SLC37A3: variants seen among roughly 807,000 people sequenced by gnomAD.
SLC37A3 encodes the protein solute carrier family 37 member 3, also known as sugar phosphate exchanger 3.
Under a neutral mutation model 67.1 loss-of-function variants are expected in SLC37A3, and 51 were observed. The observed-to-expected ratio is 0.76, with a 90% CI of 0.61 to 0.96. The LOEUF (loss-of-function observed/expected upper bound fraction) is 0.96. SLC37A3 is among the 40% of genes least tolerant of loss of function. The pLI is 0.00. For synonymous variants in SLC37A3, 214 were observed against 231.4 expected (o/e 0.92, Z 0.68); for missense variants, 508 against 603.0 (o/e 0.84, Z 1.65).
At chr7:140,355,273 G>A (rs1006950640) in intron 7 of SLC37A3, among the ~76,000 whole-genome samples, 2 of 151,614 alleles carry the variant, frequency 1.3e-5, no homozygotes, top group African/African-American at 4.9e-5. Flanking sequence ...GTGAAGCGGT[G>A]CGACCTTGGC....
intron 4 of SLC37A3, among the ~76,000 whole-genome samples, chr7:140,367,613 A>G (rs1797653340): frequency 6.6e-6 from 1 of 152,166 alleles, no homozygotes; most frequent in Admixed American, 6.5e-5. Context: ...TAAAGACAGC[A>G]TCTTATATGC....
intron 3 of SLC37A3, among the ~76,000 whole-genome samples, chr7:140,373,677 C>CTT (rs59193678): frequency 1.5e-5 from 2 of 136,142 alleles, no homozygotes; most frequent in Non-Finnish European, 1.6e-5. Flanking sequence ...CTTTTTTTTT[C>CTT]TTTTTTTTTT....
intron 3 of SLC37A3, 35 bp downstream of exon 3, chr7:140,380,247 T>C (rs780556188): frequency 3.6e-6 from 5 of 1,379,452 alleles, no homozygotes; most frequent in South Asian, 1.2e-5. Context: ...CACGGTCTCC[T>C]ACTTCGATCC....
At chr7:140,337,119 AGAAG>A (rs796743244) in intron 14 of SLC37A3, among the ~76,000 whole-genome samples, 161 bp downstream of exon 14, 13 of 128,718 alleles carry the variant, frequency 1.0e-4, no homozygotes, top group South Asian at 2.3e-4. Flanking sequence ...AAAAAAAAAA[AGAAG>A]AAGAAGAAGA....
chr7:140,374,792 A>C (rs916699020), intron 3 of SLC37A3, among the ~76,000 whole-genome samples: 1 of 152,108 alleles, frequency 6.6e-6, no homozygotes, highest in Non-Finnish European at 1.5e-5. Context: ...CAGGACTTCA[A>C]GGCTGCAGTG....
intron 7 of SLC37A3, among the ~76,000 whole-genome samples, chr7:140,353,344 G>A (rs562548058): frequency 2.0e-5 from 3 of 151,950 alleles, no homozygotes; most frequent in African/African-American, 4.8e-5. Flanking sequence ...TTACCCAGGC[G>A]TGGTGGCGTA....
intron 1 of SLC37A3, among the ~76,000 whole-genome samples, chr7:140,394,475 A>G (rs1356348856): frequency 6.6e-6 from 1 of 151,672 alleles, no homozygotes. Context: ...TACAAAAATC[A>G]GCCAGTTGTG....
chr7:140,382,876 A>C (rs551664568), intron 1 of SLC37A3, among the ~76,000 whole-genome samples: 8 of 152,268 alleles, frequency 5.3e-5, no homozygotes, highest in Non-Finnish European at 1.0e-4. Flanking sequence ...TGAGCAAAGG[A>C]AATAGACAAC....
chr7:140,351,442 C>G lies in SLC37A3; in HGVS notation c.713G>C (p.Gly238Ala). 1 of 1,613,768 alleles carries G rather than the reference C, an allele frequency of 6.2e-7. No individual in the cohort carries two copies. The highest frequency in any genetic ancestry group is 8.5e-7 in the Non-Finnish European group (1 of 1,179,808). ...LVSPEEIGLS[G>A]IEAEENFEED... ...TTCAAAGTTTTCTTCTGCCTCAATACCCGAGAGACCTAAAATAACAGCGAC... is the reference window on the plus strand; with the variant it reads ...TTCAAAGTTTTCTTCTGCCTCAATAGCCGAGAGACCTAAAATAACAGCGAC... Residue 238 changes from glycine to alanine, a missense_variant, in exon 9 of 15, where the codon GGT becomes GCT. Physicochemically the swap from Gly to Ala is moderately conservative, Grantham distance 60 (BLOSUM62 0). Transcript: ENST00000326232.
intron 5 of SLC37A3, among the ~76,000 whole-genome samples, chr7:140,362,445 G>C (rs1231923314): frequency 7.1e-6 from 1 of 140,880 alleles, no homozygotes; most frequent in African/African-American, 2.7e-5. Context: ...CCCCCGCCCG[G>C]CCAGCCGCCC....
At chr7:140,342,880 T>TA (rs1796412158) in intron 13 of SLC37A3, among the ~76,000 whole-genome samples, 1 of 152,156 alleles carries the variant, frequency 6.6e-6, no homozygotes, top group Admixed American at 6.5e-5. Flanking sequence ...ACCAGACACT[T>TA]ATGGGCCACT....
chr7:140,355,961 A>T (rs1797009490), intron 6 of SLC37A3, among the ~76,000 whole-genome samples, 197 bp from the exon 7 acceptor site: 1 of 152,146 alleles, frequency 6.6e-6, no homozygotes, highest in African/African-American at 2.4e-5. Flanking sequence ...TTGGGAGGCC[A>T]AGGCGGACAG....
intron 4 of SLC37A3, 98 bp downstream of exon 4, chr7:140,369,492 G>C: frequency 1.2e-6 from 1 of 866,850 alleles, no homozygotes; most frequent in Non-Finnish European, 1.8e-6. Flanking sequence ...CTCTGCCTCA[G>C]TCAGCAAATT....
At position 140,352,048 on chromosome 7, in the gene SLC37A3, C is replaced by T. The variant is rs12665885; in HGVS notation, c.703+14G>A. The T allele has an allele frequency of 0.44, 704,524 of 1,600,604 alleles. 158,871 individuals carry two copies. The highest frequency in any genetic ancestry group is 0.47 in the Non-Finnish European group (545,025 of 1,171,778). On this transcript the variant is annotated intron_variant, in intron 8 of 14. Transcript: ENST00000326232. ...AGTAAGACATTCGGAATAGAAGGGGCGGCTTCTCCTCACCAATTTCTTCTG... is the reference window on the plus strand; with the variant it reads ...AGTAAGACATTCGGAATAGAAGGGGTGGCTTCTCCTCACCAATTTCTTCTG...
intron 3 of SLC37A3, among the ~76,000 whole-genome samples, chr7:140,379,049 G>A (rs1442535829): frequency 2.0e-5 from 3 of 152,060 alleles, no homozygotes; most frequent in Admixed American, 1.3e-4. Flanking sequence ...AATGAAACAG[G>A]CTGGGCACAG....
At chr7:140,386,052 GCATC>G (rs945423285) in intron 1 of SLC37A3, among the ~76,000 whole-genome samples, 3 of 152,000 alleles carry the variant, frequency 2.0e-5, no homozygotes, top group African/African-American at 7.2e-5. Flanking sequence ...CAAAGTGCTG[GCATC>G]ACAGGTGTGA....
At chr7:140,352,231 T>TG in intron 7 of SLC37A3, 85 bp from the exon 8 acceptor site, 3 of 48,508 alleles carry the variant, frequency 6.2e-5, no homozygotes, top group Admixed American at 7.9e-4. Context: ...TGGGGGAAGG[T>TG]GGGGGTGGGG....
intron 4 of SLC37A3, among the ~76,000 whole-genome samples, chr7:140,365,669 C>T (rs1301081329): frequency 2.6e-5 from 4 of 151,924 alleles, no homozygotes; most frequent in East Asian, 1.9e-4. Flanking sequence ...TGCAGTCAGC[C>T]GAGATGGCAC....
intron 3 of SLC37A3, among the ~76,000 whole-genome samples, chr7:140,374,403 G>A (rs755201849): frequency 2.0e-5 from 3 of 151,668 alleles, no homozygotes; most frequent in South Asian, 2.1e-4. Context: ...AGACTGAGAC[G>A]GGAGAATCAC....
Sources: allele counts gnomAD v4.1 joint callset (sites outside exome capture counted in the v4.1 genomes callset), GRCh38; gene constraint gnomAD v4.1.1; transcripts MANE v1.5; gene names NCBI Gene and HGNC (gene_info 2026-07-23, HGNC 2026-07-21).